Variants in PDE4D observed in about 807,000 individuals in gnomAD.
The protein encoded by PDE4D is phosphodiesterase 4D, also known as 3',5'-cyclic-AMP phosphodiesterase 4D.
Under a neutral mutation model 87.4 loss-of-function variants are expected in PDE4D, and 24 were observed. The ratio of observed to expected loss-of-function variants is 0.27; its 90% CI spans 0.20 to 0.39. PDE4D has a LOEUF of 0.39. PDE4D is among the 10% of genes least tolerant of loss of function. The probability of loss-of-function intolerance (pLI) is 1.00; values close to 1 mark genes in which losing one functional copy is unlikely to be tolerated. For synonymous variants in PDE4D, 384 were observed against 383.2 expected (o/e 1.00, Z -0.02); for missense variants, 714 against 1,041.0 (o/e 0.69, Z 4.32).
In PDE4D at chr5:60,288,296, C is replaced by A. The variant is rs533323820; in HGVS notation, c.-89-102609G>T. On this transcript the variant is annotated intron_variant, in intron 1 of 16. Coordinates refer to the PDE4D transcript ENST00000502484. Reference sequence around the variant, plus strand: ...CAGGAGGAGGTTAAATCATTATTTGCCCCATGGTGGTGGTCAGCTTCTAGC... The same window carrying A: ...CAGGAGGAGGTTAAATCATTATTTGACCCATGGTGGTGGTCAGCTTCTAGC... Among the ~76,000 whole-genome samples, 8 of 152,276 alleles carry A rather than the reference C, an allele frequency of 5.3e-5. No homozygotes were observed. The East Asian group carries it at 1.5e-3, about 29-fold the overall frequency.
chr5:59,614,415 T>C (rs1237696455), intron 1 of PDE4D, among the ~76,000 whole-genome samples: 1 of 152,232 alleles, frequency 6.6e-6, no homozygotes, highest in African/African-American at 2.4e-5. Context: ...AAGTCAAAGA[T>C]TTCTTACAAG....
intron 5 of PDE4D, among the ~76,000 whole-genome samples, chr5:59,081,065 T>C (rs1173473911): frequency 1.3e-5 from 2 of 152,176 alleles, no homozygotes; most frequent in East Asian, 1.9e-4. Flanking sequence ...ATTATCATGA[T>C]TGGAAATGTA....
At chr5:59,120,868 AT>A (rs1459262618) in intron 5 of PDE4D, among the ~76,000 whole-genome samples, 1 of 152,182 alleles carries the variant, frequency 6.6e-6, no homozygotes, top group African/African-American at 2.4e-5. Context: ...ACAAATCCAC[AT>A]TTTTACAGAG....
intron 1 of PDE4D, among the ~76,000 whole-genome samples, chr5:59,798,963 G>A (rs1210212557): frequency 1.3e-5 from 2 of 152,156 alleles, no homozygotes; most frequent in African/African-American, 2.4e-5. Flanking sequence ...TAAAAGCTTT[G>A]GAGAGAAAGC....
At chr5:59,731,049 G>A (rs1757297042) in intron 1 of PDE4D, among the ~76,000 whole-genome samples, 2 of 152,010 alleles carry the variant, frequency 1.3e-5, no homozygotes, top group East Asian at 1.9e-4. Flanking sequence ...TTGTATATAC[G>A]ATATCCATTC....
intron 2 of PDE4D, among the ~76,000 whole-genome samples, chr5:60,160,549 A>G (rs1449051651): frequency 6.6e-6 from 1 of 152,154 alleles, no homozygotes; most frequent in Non-Finnish European, 1.5e-5. Flanking sequence ...TGAAAAACAC[A>G]TATCATTTAT....
rs114743732 is a variant in PDE4D, at chr5:59,694,250, T to C, written c.455+198918A>G. ...CACAAACTCCCAATAACTCAGTGTA[T>C]TTATTCCTCTATAAAGTAAGTGCAG... On this transcript the variant is annotated intron_variant, in intron 1 of 14. Coordinates refer to ENST00000340635, the MANE Select transcript of PDE4D (RefSeq NM_001104631.2). Among the ~76,000 whole-genome samples, 527 of 152,300 alleles carry C rather than the reference T, an allele frequency of 3.5e-3. 4 individuals are homozygous for C. Among genetic ancestry groups the C allele is most frequent in the African/African-American group, 0.012 (510 of 41,572 alleles).
At chr5:58,988,024 G>A (rs1440184988) in intron 11 of PDE4D, among the ~76,000 whole-genome samples, 4 of 152,092 alleles carry the variant, frequency 2.6e-5, no homozygotes, top group Admixed American at 2.6e-4. Context: ...AAAATATTAA[G>A]AAGTTCCTGT....
intron 1 of PDE4D, among the ~76,000 whole-genome samples, chr5:59,573,362 A>G (rs1221311264): frequency 1.3e-5 from 2 of 151,968 alleles, no homozygotes; most frequent in African/African-American, 4.8e-5. Flanking sequence ...TACTTCAGGT[A>G]CTCCTGAGGC....
Position 59,341,823 on chromosome 5 carries a change from T to G in PDE4D, c.456-125855A>C, listed in dbSNP as rs533356665. ...CATAAATTAATTTTTCTATTCAAAC[T>G]TGCACTTATCTTTGATGGAAAGAAA... On this transcript the variant is annotated intron_variant, in intron 1 of 14. Coordinates refer to ENST00000340635, the MANE Select transcript of PDE4D (RefSeq NM_001104631.2). Among the ~76,000 whole-genome samples the G allele has an allele frequency of 1.2e-3, 189 of 152,294 alleles. 1 individual carries two copies. Among genetic ancestry groups the G allele is most frequent in the Middle Eastern group, 3.4e-3 (1 of 294 alleles).
chr5:59,437,075 T>C (rs765705479), intron 1 of PDE4D, among the ~76,000 whole-genome samples: 1 of 152,184 alleles, frequency 6.6e-6, no homozygotes, highest in Admixed American at 6.5e-5. Context: ...GGTAATCTTA[T>C]CTCAACAAAC....
intron 1 of PDE4D, among the ~76,000 whole-genome samples, chr5:60,421,888 G>A (rs1470085223): frequency 6.6e-6 from 1 of 152,206 alleles, no homozygotes; most frequent in South Asian, 2.1e-4. Flanking sequence ...CGAGAACTTC[G>A]TGATGCATGC....
chr5:59,394,120 G>A (rs767318674), intron 1 of PDE4D, among the ~76,000 whole-genome samples: 2 of 132,786 alleles, frequency 1.5e-5, no homozygotes, highest in South Asian at 2.5e-4. Flanking sequence ...ATACTGTGTC[G>A]TTTGAGCAGT....
intron 5 of PDE4D, among the ~76,000 whole-genome samples, chr5:59,040,235 A>T (rs1298103238): frequency 6.6e-6 from 1 of 152,180 alleles, no homozygotes; most frequent in Non-Finnish European, 1.5e-5. Flanking sequence ...CAGACTTCTA[A>T]ATGTTGGGGC....
intron 1 of PDE4D, among the ~76,000 whole-genome samples, chr5:59,718,529 C>T (rs2150545442): frequency 6.6e-6 from 1 of 152,206 alleles, no homozygotes; most frequent in Non-Finnish European, 1.5e-5. Flanking sequence ...AATGCTTGGC[C>T]ATATCATCAT....
chr5:59,003,760 TCTG>T (rs1385707777), intron 6 of PDE4D, among the ~76,000 whole-genome samples: 2 of 151,950 alleles, frequency 1.3e-5, no homozygotes, highest in Non-Finnish European at 2.9e-5. Context: ...TACCAGGAGA[TCTG>T]AAGAAAGGAA....
chr5:60,013,157 T>C (rs1765177311), intron 2 of PDE4D, among the ~76,000 whole-genome samples: 1 of 152,172 alleles, frequency 6.6e-6, no homozygotes, highest in Admixed American at 6.5e-5. Context: ...TCCTGACTTA[T>C]TTTCTGGTTC....
intron 1 of PDE4D, among the ~76,000 whole-genome samples, chr5:60,241,130 T>C (rs545817018): frequency 2.1e-4 from 32 of 151,974 alleles, no homozygotes; most frequent in African/African-American, 4.1e-4. Context: ...TTCAAGATAA[T>C]ACAAAGAAGG....
chr5:60,304,334 A>T (rs1263563043), intron 1 of PDE4D, among the ~76,000 whole-genome samples: 1 of 152,122 alleles, frequency 6.6e-6, no homozygotes, highest in African/African-American at 2.4e-5. Context: ...GCAGAGGTAG[A>T]GCCTTTGGTT....
Sources: gnomAD v4.1 joint callset for allele counts (sites outside exome capture counted in the v4.1 genomes callset) on GRCh38, gnomAD v4.1.1 for gene constraint, MANE v1.5 for transcripts, NCBI Gene and HGNC (gene_info 2026-07-23, HGNC 2026-07-21) for gene names.